Variants in GALNT17 observed in about 807,000 individuals in gnomAD.
The protein encoded by GALNT17 is UDP-GalNAc:polypeptide N-acetylgalactosaminyltransferase-like 3.
GALNT17 carries 29 observed loss-of-function variants against 63.7 expected under a neutral mutation model. The observed-to-expected ratio is 0.46, with a 90% CI of 0.34 to 0.62. The LOEUF is 0.62. Ranked by LOEUF, GALNT17 falls within the 20% of genes least tolerant of loss-of-function variation. GALNT17 has a pLI of 0.01. For missense variants in GALNT17, 603 were observed against 799.6 expected (o/e 0.75, Z 2.97); for synonymous variants, 305 against 318.3 (o/e 0.96, Z 0.45).
chr7:71,629,983 C>T (rs935109790), intron 6 of GALNT17, among the ~76,000 whole-genome samples: 4 of 149,702 alleles, frequency 2.7e-5, no homozygotes, highest in African/African-American at 9.9e-5. Flanking sequence ...CTCATGTACT[C>T]ATTCCTTCTA....
At chr7:71,319,249 C>A (rs564540882) in intron 1 of GALNT17, among the ~76,000 whole-genome samples, 1 of 152,094 alleles carries the variant, frequency 6.6e-6, no homozygotes, top group South Asian at 2.1e-4. Context: ...GCCTTCTGTT[C>A]TTTGCCTCTT....
chr7:71,648,435 T>A (rs1790711852), intron 6 of GALNT17, among the ~76,000 whole-genome samples: 2 of 152,170 alleles, frequency 1.3e-5, no homozygotes, highest in South Asian at 4.2e-4. Flanking sequence ...CATGCCCAGA[T>A]AACGTTTTTA....
chr7:71,365,019 C>A (rs1792477384), intron 2 of GALNT17, among the ~76,000 whole-genome samples: 1 of 152,070 alleles, frequency 6.6e-6, no homozygotes, highest in Non-Finnish European at 1.5e-5. Context: ...CAACCTCTGC[C>A]TCCTGGGTTC....
At chr7:71,203,728 A>AAG (rs931557786) in intron 1 of GALNT17, among the ~76,000 whole-genome samples, 39 of 152,296 alleles carry the variant, frequency 2.6e-4, no homozygotes, top group Middle Eastern at 3.4e-3. Context: ...ATCATGGCAG[A>AAG]AGGCGAAGGG....
intron 9 of GALNT17, among the ~76,000 whole-genome samples, chr7:71,710,232 G>A (rs180719584): frequency 1.3e-4 from 20 of 152,216 alleles, no homozygotes; most frequent in African/African-American, 2.9e-4. Context: ...GATCAGGGCC[G>A]GGCGCCGTGG....
intron 5 of GALNT17, among the ~76,000 whole-genome samples, chr7:71,465,172 T>G (rs1787514705): frequency 6.6e-6 from 1 of 152,310 alleles, no homozygotes; most frequent in African/African-American, 2.4e-5. Flanking sequence ...CTTGGTCAGA[T>G]CACAATGCTC....
At chr7:71,566,960 A>G (rs927981252) in intron 5 of GALNT17, among the ~76,000 whole-genome samples, 3 of 151,974 alleles carry the variant, frequency 2.0e-5, no homozygotes, top group African/African-American at 7.2e-5. Context: ...GGAGCCCCTC[A>G]GGAACTGCTC....
chr7:71,437,186 A>G (rs1156284704), intron 5 of GALNT17, among the ~76,000 whole-genome samples: 2 of 152,184 alleles, frequency 1.3e-5, no homozygotes, highest in East Asian at 3.9e-4. Flanking sequence ...TAAACAAGCT[A>G]TTTAGATAAA....
At chr7:71,261,671 A>G (rs1790387904) in intron 1 of GALNT17, among the ~76,000 whole-genome samples, 1 of 152,214 alleles carries the variant, frequency 6.6e-6, no homozygotes, top group Non-Finnish European at 1.5e-5. Flanking sequence ...AGTGCCTGGC[A>G]GGGGGCTTGC....
intron 5 of GALNT17, among the ~76,000 whole-genome samples, chr7:71,442,031 C>A (rs985911718): frequency 2.0e-5 from 3 of 152,114 alleles, no homozygotes; most frequent in African/African-American, 7.2e-5. Context: ...AATGGTATTT[C>A]TGGTTCTAGA....
chr7:71,271,652 T>C (rs1424388286), intron 1 of GALNT17, among the ~76,000 whole-genome samples: 1 of 152,212 alleles, frequency 6.6e-6, no homozygotes, highest in African/African-American at 2.4e-5. Flanking sequence ...GCAATGGATA[T>C]GTAGCTGTGG....
At chr7:71,592,835 T>C (rs1789829891) in intron 6 of GALNT17, among the ~76,000 whole-genome samples, 1 of 152,172 alleles carries the variant, frequency 6.6e-6, no homozygotes, top group Admixed American at 6.5e-5. Flanking sequence ...ACCATCATTA[T>C]TGTGGAAGCT....
intron 1 of GALNT17, among the ~76,000 whole-genome samples, chr7:71,235,163 A>G (rs1012252005): frequency 2.0e-5 from 3 of 151,876 alleles, no homozygotes; most frequent in African/African-American, 7.3e-5. Flanking sequence ...AGGCAGGAGA[A>G]TCACTTGAAC....
At chr7:71,615,141 G>T (rs1790182420) in intron 6 of GALNT17, among the ~76,000 whole-genome samples, 1 of 152,204 alleles carries the variant, frequency 6.6e-6, no homozygotes, top group African/African-American at 2.4e-5. Context: ...AGGCTGCTGG[G>T]GAGATGACAA....
At chr7:71,286,215 G>A (rs977319827) in intron 1 of GALNT17, among the ~76,000 whole-genome samples, 4 of 152,172 alleles carry the variant, frequency 2.6e-5, no homozygotes, top group African/African-American at 9.7e-5. Context: ...GAAAGACCCT[G>A]AACTTAAGCC....
At chr7:71,149,190 A>G (rs930574431) in intron 1 of GALNT17, among the ~76,000 whole-genome samples, 1 of 152,120 alleles carries the variant, frequency 6.6e-6, no homozygotes, top group African/African-American at 2.4e-5. Flanking sequence ...AGTAGCTGGG[A>G]CAACAAGCAT....
chr7:71,420,858 T>C (rs200403024), intron 4 of GALNT17, 50 bp from the exon 5 acceptor site: 1 of 1,598,938 alleles, frequency 6.3e-7, no homozygotes. Flanking sequence ...TTGGGAGGTG[T>C]GCCTCACGGG....
At chr7:71,543,251 G>C (rs561577044) in intron 5 of GALNT17, among the ~76,000 whole-genome samples, 44 of 152,110 alleles carry the variant, frequency 2.9e-4, no homozygotes, top group African/African-American at 1.1e-3. Flanking sequence ...ATGCATTGTT[G>C]ATTATTCTGT....
chr7:71,263,370 C>CA (rs148312106), intron 1 of GALNT17, among the ~76,000 whole-genome samples: 1 of 151,914 alleles, frequency 6.6e-6, no homozygotes, highest in Non-Finnish European at 1.5e-5. Flanking sequence ...CAAAACAAAA[C>CA]AAAAAAACAA....
Sources: gnomAD v4.1 joint callset for allele counts (sites outside exome capture counted in the v4.1 genomes callset) on GRCh38, gnomAD v4.1.1 for gene constraint, MANE v1.5 for transcripts, NCBI Gene and HGNC (gene_info 2026-07-23, HGNC 2026-07-21) for gene names.